Variants in BRINP3 observed in about 807,000 individuals in gnomAD.
The protein encoded by BRINP3 is BMP/retinoic acid-inducible neural-specific protein 3.
In BRINP3, 19 loss-of-function variants were observed where a neutral mutation model predicts 71.0. The observed-to-expected ratio is 0.27, with a 90% confidence interval of 0.19 to 0.39. BRINP3 has a LOEUF of 0.39. BRINP3 is among the 10% of genes least tolerant of loss of function. The probability of loss-of-function intolerance (pLI) is 1.00; values close to 1 mark genes in which losing one functional copy is unlikely to be tolerated. For synonymous variants in BRINP3, 380 were observed against 337.7 expected (o/e 1.13, Z -1.37); for missense variants, 959 against 940.8 (o/e 1.02, Z -0.25).
intron 6 of BRINP3, among the ~76,000 whole-genome samples, chr1:190,164,318 A>T (rs527520266): frequency 6.6e-6 from 1 of 152,270 alleles, no homozygotes; most frequent in East Asian, 1.9e-4. Context: ...TAAAACATTA[A>T]TCAGTTTTTC....
chr1:190,320,217 T>G (rs918327103), intron 2 of BRINP3, among the ~76,000 whole-genome samples: 4 of 152,088 alleles, frequency 2.6e-5, no homozygotes, highest in Non-Finnish European at 4.4e-5. Context: ...AAAACACTCC[T>G]AATATTAAAC....
At chr1:190,324,054 T>C (rs1253300134) in intron 2 of BRINP3, among the ~76,000 whole-genome samples, 2 of 151,866 alleles carry the variant, frequency 1.3e-5, no homozygotes, top group African/African-American at 4.8e-5. Context: ...ATTAAAACTG[T>C]TTTAAACCTG....
intron 2 of BRINP3, among the ~76,000 whole-genome samples, chr1:190,298,755 C>G (rs986331110): frequency 1.3e-5 from 2 of 151,980 alleles, no homozygotes; most frequent in African/African-American, 4.8e-5. Context: ...TTTCATGTGA[C>G]CCGGGGGCCC....
At chr1:190,170,158 T>C (rs1379063060) in intron 6 of BRINP3, among the ~76,000 whole-genome samples, 1 of 152,150 alleles carries the variant, frequency 6.6e-6, no homozygotes, top group Non-Finnish European at 1.5e-5. Flanking sequence ...TTCAATCTCA[T>C]AATAACCATG....
At position 190,447,603 on chromosome 1, in the gene BRINP3, GCTCT is replaced by G. The variant is rs377608154; in HGVS notation, c.236+7048_236+7051del. 4.2e-3 allele frequency among the ~76,000 whole-genome samples: 619 copies of G among 147,006 alleles called. 3 individuals are homozygous for G. Among genetic ancestry groups the G allele is most frequent in the African/African-American group, 0.014 (554 of 40,378 alleles). On this transcript the variant is annotated intron_variant, in intron 2 of 7. Transcript: ENST00000367462. ...TTTGCAGTCTCTCTTTCTCCCTATAGCTCTCTCTCTCTCTCTCTCTATATATATA... is the reference window on the plus strand; with the variant it reads ...TTTGCAGTCTCTCTTTCTCCCTATAGCTCTCTCTCTCTCTCTATATATATA...
At chr1:190,303,594 G>C (rs539772889) in intron 2 of BRINP3, among the ~76,000 whole-genome samples, 29 of 151,720 alleles carry the variant, frequency 1.9e-4, no homozygotes, top group African/African-American at 6.0e-4. Context: ...CTGTCAAATA[G>C]CCTTACTTAT....
intron 7 of BRINP3, among the ~76,000 whole-genome samples, chr1:190,128,091 C>T (rs1349271931): frequency 1.3e-5 from 2 of 151,698 alleles, no homozygotes; most frequent in Admixed American, 6.6e-5. Context: ...TAGGAGGATA[C>T]AAAGATCCCC....
chr1:190,344,225 A>C (rs887065226), intron 2 of BRINP3, among the ~76,000 whole-genome samples: 1 of 151,834 alleles, frequency 6.6e-6, no homozygotes, highest in Non-Finnish European at 1.5e-5. Flanking sequence ...ATATGCTAGG[A>C]ACTGTGCCAA....
chr1:190,141,865 T>C (rs1186612674), intron 7 of BRINP3, among the ~76,000 whole-genome samples: 1 of 152,062 alleles, frequency 6.6e-6, no homozygotes, highest in Non-Finnish European at 1.5e-5. Flanking sequence ...GCCTTAATCC[T>C]CATTATTTTT....
At chr1:190,463,494 A>T (rs1296066213) in intron 1 of BRINP3, among the ~76,000 whole-genome samples, 1 of 151,810 alleles carries the variant, frequency 6.6e-6, no homozygotes, top group African/African-American at 2.4e-5. Flanking sequence ...ACAAAAAAAA[A>T]GTTTTAAAGA....
At chr1:190,345,763 A>G (rs1292411986) in intron 2 of BRINP3, among the ~76,000 whole-genome samples, 2 of 150,132 alleles carry the variant, frequency 1.3e-5, no homozygotes, top group Non-Finnish European at 3.0e-5. Context: ...GGAACTCCTT[A>G]TTAATTGTCT....
At chr1:190,294,059 C>T (rs1327368626) in intron 2 of BRINP3, among the ~76,000 whole-genome samples, 1 of 151,902 alleles carries the variant, frequency 6.6e-6, no homozygotes, top group African/African-American at 2.4e-5. Context: ...CTTGATACTG[C>T]CATTTTGTTA....
At chr1:190,384,347 G>A (rs969410129) in intron 2 of BRINP3, among the ~76,000 whole-genome samples, 110 of 151,558 alleles carry the variant, frequency 7.3e-4, no homozygotes, top group African/African-American at 2.6e-3. Flanking sequence ...TTGCTTCTAG[G>A]AAAATCAAAC....
chr1:190,130,215 C>A (rs577962338), intron 7 of BRINP3, among the ~76,000 whole-genome samples: 3 of 151,994 alleles, frequency 2.0e-5, no homozygotes, highest in Non-Finnish European at 4.4e-5. Context: ...TATTAATTGA[C>A]AAATAAACAA....
At chr1:190,130,866 G>C (rs1654482683) in intron 7 of BRINP3, among the ~76,000 whole-genome samples, 1 of 151,820 alleles carries the variant, frequency 6.6e-6, no homozygotes, top group African/African-American at 2.4e-5. Context: ...AATGTACCAA[G>C]TAAACTTGGA....
chr1:190,375,344 G>A (rs1027241652), intron 2 of BRINP3, among the ~76,000 whole-genome samples: 1 of 151,754 alleles, frequency 6.6e-6, no homozygotes, highest in Non-Finnish European at 1.5e-5. Flanking sequence ...AAAAGACAAG[G>A]CCATGTCACT....
intron 4 of BRINP3, among the ~76,000 whole-genome samples, chr1:190,244,700 A>G (rs1247209796): frequency 3.3e-5 from 5 of 152,178 alleles, no homozygotes; most frequent in South Asian, 2.1e-4. Context: ...TAAAGCAGGG[A>G]ACCTCGTTAG....
chr1:190,345,298 T>C (rs1667941417), intron 2 of BRINP3, among the ~76,000 whole-genome samples: 1 of 151,668 alleles, frequency 6.6e-6, no homozygotes, highest in Admixed American at 6.6e-5. Context: ...AAATCCAGAT[T>C]ACTTAAAATT....
intron 4 of BRINP3, among the ~76,000 whole-genome samples, chr1:190,258,983 T>C (rs1660925609): frequency 6.6e-6 from 1 of 152,010 alleles, no homozygotes; most frequent in East Asian, 1.9e-4. Context: ...ATAAACCTAG[T>C]GAAGAGATTG....
Sources: allele counts gnomAD v4.1 joint callset (sites outside exome capture counted in the v4.1 genomes callset), GRCh38; gene constraint gnomAD v4.1.1; transcripts MANE v1.5; gene names NCBI Gene and HGNC (gene_info 2026-07-23, HGNC 2026-07-21).